GPI: variants seen among roughly 807,000 people sequenced by gnomAD.
GPI encodes glucose-6-phosphate isomerase, also known as D-hexose-6-phosphate anomerase.
GPI carries 56 observed loss-of-function variants against 75.8 expected under a neutral mutation model. The observed-to-expected ratio is 0.74, with a 90% CI of 0.60 to 0.92. GPI has a LOEUF of 0.92. GPI is among the 40% of genes least tolerant of loss of function. The pLI is 0.00. For synonymous variants in GPI, 288 were observed against 285.4 expected (o/e 1.01, Z -0.09); for missense variants, 638 against 741.0 (o/e 0.86, Z 1.61).
At chr19:34,375,860 G>A (rs1044211340) in intron 4 of GPI, among the ~76,000 whole-genome samples, 2 of 152,150 alleles carry the variant, frequency 1.3e-5, no homozygotes, top group African/African-American at 2.4e-5. Context: ...CAGCACAGGC[G>A]GAAGCTATGC....
At position 34,402,314 on chromosome 19, in the gene GPI, T is replaced by C. The variant is rs1463467482; in HGVS notation, c.*2278T>C. On this transcript the variant is annotated 3_prime_UTR_variant, in exon 18 of 18. Coordinates refer to ENST00000356487, the MANE Select transcript of GPI (RefSeq NM_000175.5). ...AACCAAATAGGAAACCTCTAAAGGG[T>C]ACTTAAACCCCAGATTTTCTACACA... 1 of 152,170 alleles carries C rather than the reference T, an allele frequency of 6.6e-6. No homozygotes were observed. Among genetic ancestry groups the C allele is most frequent in the African/African-American group, 2.4e-5 (1 of 41,424 alleles). 9.4% of individuals were successfully genotyped at this position (152,170 alleles called of 1,614,324 possible). A position where few individuals can be genotyped will look rare whatever the true frequency, so the allele number is the denominator to read the frequency against.
At chr19:34,399,118 G>C in intron 14 of GPI, 89 bp from the exon 15 acceptor site, 2 of 1,330,708 alleles carry the variant, frequency 1.5e-6, no homozygotes, top group Non-Finnish European at 2.1e-6. Context: ...GGCTGGGACT[G>C]ACCCCTGCTG....
At chr19:34,372,371 G>A (rs1364759600) in intron 4 of GPI, among the ~76,000 whole-genome samples, 4 of 152,230 alleles carry the variant, frequency 2.6e-5, no homozygotes, top group Non-Finnish European at 5.9e-5. Flanking sequence ...GCCAGGCACA[G>A]TTGCTCACAT....
rs8191360 is a variant in GPI at position 34,365,408 on chromosome 19, G to A, written c.122+20G>A. 3.7e-3 allele frequency: 5,825 copies of A among 1,560,270 alleles called. 186 individuals are homozygous for A. In the African/African-American group the frequency reaches 0.068, roughly 18 times the overall value. On this transcript the variant is annotated intron_variant, in intron 1 of 17. Transcript: ENST00000356487. ...CTTCAGGTGCGGGCGGGCCGGAGGC[G>A]GGGGCTGCCACGCGCGGCGCCCGGA...
At chr19:34,360,934 C>T (rs1336711840), upstream of GPI, among the ~76,000 whole-genome samples, 1 of 152,008 alleles carries the variant, frequency 6.6e-6, no homozygotes, top group Admixed American at 6.6e-5. Context: ...TCCGCCACCA[C>T]GCCTGGCTAA....
At chr19:34,369,032 G>C (rs1430498848) in intron 4 of GPI, among the ~76,000 whole-genome samples, 1 of 152,016 alleles carries the variant, frequency 6.6e-6, no homozygotes, top group Non-Finnish European at 1.5e-5. Context: ...AGTCAGGAAA[G>C]GAAGGAGCTT....
At chr19:34,379,298 C>T (rs973617876) in intron 7 of GPI, among the ~76,000 whole-genome samples, 2 of 152,172 alleles carry the variant, frequency 1.3e-5, no homozygotes, top group African/African-American at 2.4e-5. Context: ...AGGGGAGGGA[C>T]GTCCCTGAGC....
chr19:34,388,253 G>T (rs978936593), intron 9 of GPI, among the ~76,000 whole-genome samples: 1 of 152,218 alleles, frequency 6.6e-6, no homozygotes, highest in Admixed American at 6.5e-5. Context: ...GAGGTGGGTG[G>T]ATCACTTGAG....
chr19:34,395,347 G>A (rs149522369), intron 12 of GPI, among the ~76,000 whole-genome samples: 66 of 151,770 alleles, frequency 4.3e-4, no homozygotes, highest in African/African-American at 1.5e-3. Flanking sequence ...CCTGGGCAAC[G>A]TAGTGAGGCC....
chr19:34,361,895 T>G (rs2145303427), upstream of GPI, among the ~76,000 whole-genome samples: 1 of 152,018 alleles, frequency 6.6e-6, no homozygotes. Context: ...GGCAGACGGA[T>G]CACGAGGTCA....
intron 9 of GPI, among the ~76,000 whole-genome samples, chr19:34,391,497 C>G (rs1481595363): frequency 0.018 from 18 of 976 alleles, no homozygotes; most frequent in Admixed American, 0.05. Context: ...TTAGGAGGTA[C>G]GATCTCTTAT....
At chr19:34,368,954 AC>A in intron 4 of GPI, 1 of 576,894 alleles carries the variant, frequency 1.7e-6, no homozygotes, top group Non-Finnish European at 3.1e-6. Context: ...AATTGTAGAC[AC>A]CTATGGACTC....
At chr19:34,366,550 A>C (rs1354082037) in intron 2 of GPI, 115 bp downstream of exon 2, 1 of 813,226 alleles carries the variant, frequency 1.2e-6, no homozygotes. Context: ...ATTAGACCTC[A>C]GTCACCTCCT....
intron 14 of GPI, chr19:34,398,005 G>C (rs1358742448): frequency 6.6e-6 from 1 of 151,702 alleles, no homozygotes; most frequent in Non-Finnish European, 1.5e-5. Flanking sequence ...TTTTATCTCA[G>C]CCTCCTGAGT....
At position 34,393,851 on chromosome 19, in the gene GPI, CTG is replaced by C. The variant is rs1309142521; in HGVS notation, c.910-61_910-60del. On this transcript the variant is annotated intron_variant, in intron 11 of 17. Transcript: ENST00000356487. The surrounding 1 kb of genome is among the most constrained non-coding windows in gnomAD (Gnocchi z 4.4). ...TCCTGGTCCCCCGCTTTCTCCCCCA[CTG>C]TCCTGTCCCTCCCCTCCCCGTGCAG... The C allele has an allele frequency of 1.8e-5, 29 of 1,605,192 alleles. No individual in the cohort carries two copies. In the South Asian group the frequency reaches 2.0e-4, roughly 11 times the overall value.
chr19:34,398,764 G>A, intron 14 of GPI: 1 of 169,516 alleles, frequency 5.9e-6, no homozygotes, highest in Non-Finnish European at 1.3e-5. Flanking sequence ...CTGGAGTGCA[G>A]TGGCGTGATC....
chr19:34,381,762 G>A (rs1185351746), intron 9 of GPI, among the ~76,000 whole-genome samples: 3 of 152,188 alleles, frequency 2.0e-5, no homozygotes, highest in Non-Finnish European at 2.9e-5. Context: ...TTGGGTGCCT[G>A]CCTGCAACAC....
At position 34,393,719 on chromosome 19, in the gene GPI, G is replaced by A. The variant is rs1313851849; in HGVS notation, c.866-9G>A. On this transcript the variant is annotated splice_polypyrimidine_tract_variant and intron_variant, in intron 10 of 17. Coordinates refer to ENST00000356487, the MANE Select transcript of GPI (RefSeq NM_000175.5). This position sits in a 1 kb window ranked among gnomAD's most constrained non-coding sequence, Gnocchi z 4.4. Reference sequence around the variant, plus strand: ...GGCCACTTCTGTTGACTCTGCTTTTGTGTCACAGGTTTTGACAACTTCGAG... The same window carrying A: ...GGCCACTTCTGTTGACTCTGCTTTTATGTCACAGGTTTTGACAACTTCGAG... 11 of 1,613,282 alleles carry A rather than the reference G, an allele frequency of 6.8e-6. No homozygotes were observed. Among genetic ancestry groups the A allele is most frequent in the Non-Finnish European group, 9.3e-6 (11 of 1,179,818 alleles).
At position 34,393,874 on chromosome 19, in the gene GPI, T is replaced by G; in HGVS notation, c.910-40T>G. 1.9e-6 allele frequency: 3 copies of G among 1,611,348 alleles called. No homozygotes were observed. Among genetic ancestry groups the G allele is most frequent in the Middle Eastern group, 3.3e-4 (2 of 6,060 alleles). On this transcript the variant is annotated intron_variant, in intron 11 of 17. Coordinates refer to ENST00000356487, the MANE Select transcript of GPI (RefSeq NM_000175.5). The surrounding 1 kb of genome is among the most constrained non-coding windows in gnomAD (Gnocchi z 4.4). ...CACTGTCCTGTCCCTCCCCTCCCCGTGCAGCTGCTCAGCTCCCACTCATCC... is the reference window on the plus strand; with the variant it reads ...CACTGTCCTGTCCCTCCCCTCCCCGGGCAGCTGCTCAGCTCCCACTCATCC...
Sources: allele counts gnomAD v4.1 joint callset (sites outside exome capture counted in the v4.1 genomes callset), GRCh38; gene constraint gnomAD v4.1.1; non-coding constraint Gnocchi (gnomAD v3.1); transcripts MANE v1.5; gene names NCBI Gene and HGNC (gene_info 2026-07-23, HGNC 2026-07-21).